Variants in AGTPBP1 observed in about 807,000 individuals in gnomAD.
AGTPBP1 encodes ATP/GTP binding carboxypeptidase 1, also known as cytosolic carboxypeptidase 1.
A neutral mutation model predicts 143.9 loss-of-function variants in AGTPBP1; 70 were observed. The ratio of observed to expected loss-of-function variants is 0.49; its 90% CI spans 0.40 to 0.59. The LOEUF (loss-of-function observed/expected upper bound fraction) is 0.59. AGTPBP1 is among the 20% of genes least tolerant of loss of function. The pLI is 0.00. For synonymous variants in AGTPBP1, 463 were observed against 500.2 expected, an observed-to-expected ratio of 0.93 and a Z score of 0.99; for missense variants, 1,229 against 1,464.5, an observed-to-expected ratio of 0.84 and a Z score of 2.62.
Position 85,633,297 on chromosome 9 carries a change from C to T in AGTPBP1, c.1380G>A (p.Thr460=), listed in dbSNP as rs752950592. 22 of 1,613,618 alleles carry T rather than the reference C, an allele frequency of 1.4e-5. No individual in the cohort carries two copies. The South Asian group carries it at 1.5e-4, about 11-fold the overall frequency. Residue 460 remains threonine (T), a synonymous_variant, in exon 14 of 26, where the codon ACG becomes ACA. Transcript: ENST00000357081. ...GKVRGPIVVP[T]AGEETSGNSG... ...AATTCCCAGATGTTTCCTCGCCTGC[C>T]GTAGGAACAACAATAGGACCACGTA...
chr9:85,686,169 A>C (rs930416975), intron 3 of AGTPBP1, among the ~76,000 whole-genome samples: 2 of 151,890 alleles, frequency 1.3e-5, no homozygotes, highest in African/African-American at 4.8e-5. Flanking sequence ...GTCAAACTGG[A>C]TGTTTTTTTT....
chr9:85,599,148 C>CACACAT (rs1829496581), intron 17 of AGTPBP1, among the ~76,000 whole-genome samples: 1 of 149,708 alleles, frequency 6.7e-6, no homozygotes, highest in Non-Finnish European at 1.5e-5. Flanking sequence ...CACACACACA[C>CACACAT]ACACACAGTA....
intron 19 of AGTPBP1, among the ~76,000 whole-genome samples, chr9:85,590,028 C>A (rs1184777091): frequency 6.6e-6 from 1 of 152,026 alleles, no homozygotes; most frequent in Non-Finnish European, 1.5e-5. Context: ...TTCCAAAAAA[C>A]CTTTTGGTTT....
At chr9:85,792,565 G>C in the AGTPBP1 span, among the ~76,000 whole-genome samples, 6 of 152,168 alleles carry the variant, frequency 3.9e-5, no homozygotes, top group East Asian at 7.7e-4. Context: ...AAAGACACAG[G>C]CTGTAATTTT....
intron 23 of AGTPBP1, among the ~76,000 whole-genome samples, chr9:85,580,015 A>T (rs968264260): frequency 2.0e-5 from 3 of 151,952 alleles, no homozygotes; most frequent in Admixed American, 6.6e-5. Context: ...AGGCAGGTGG[A>T]TCATGAGGTC....
chr9:85,759,327 A>C, the AGTPBP1 span, among the ~76,000 whole-genome samples: 1 of 152,230 alleles, frequency 6.6e-6, no homozygotes. Context: ...CATTCTTCTC[A>C]GCACCACATC....
At chr9:85,641,523 T>C (rs576341481) in intron 13 of AGTPBP1, among the ~76,000 whole-genome samples, 1 of 152,140 alleles carries the variant, frequency 6.6e-6, no homozygotes, top group Admixed American at 6.5e-5. Flanking sequence ...GATTTCAAAG[T>C]ACCTTCTCAT....
intron 5 of AGTPBP1, 112 bp from the exon 6 acceptor site, chr9:85,677,694 T>C: frequency 4.5e-6 from 4 of 892,286 alleles, no homozygotes; most frequent in South Asian, 2.1e-5. Context: ...TGGTTAAAAC[T>C]GATGACCTCT....
chr9:85,773,885 A>G, the AGTPBP1 span: 2 of 1,610,566 alleles, frequency 1.2e-6, no homozygotes, highest in Non-Finnish European at 1.7e-6. Context: ...TATATAATGA[A>G]GAAATGAAAA....
At chr9:85,669,450 C>T (rs745772382) in intron 8 of AGTPBP1, 35 bp downstream of exon 8, 1 of 1,364,126 alleles carries the variant, frequency 7.3e-7, no homozygotes, top group Non-Finnish European at 1.0e-6. Flanking sequence ...GTAACAAAGG[C>T]TATACCTATG....
intron 15 of AGTPBP1, among the ~76,000 whole-genome samples, chr9:85,620,027 T>C (rs1667979200): frequency 6.6e-6 from 1 of 152,148 alleles, no homozygotes; most frequent in South Asian, 2.1e-4. Flanking sequence ...AGGTATATGT[T>C]TCCTCTTTTT....
intron 18 of AGTPBP1, among the ~76,000 whole-genome samples, chr9:85,596,140 T>G (rs888250960): frequency 6.6e-6 from 1 of 152,240 alleles, no homozygotes; most frequent in Admixed American, 6.5e-5. Context: ...AGACACAGCC[T>G]GGACCTAAGT....
At chr9:85,681,192 C>T in intron 4 of AGTPBP1, 76 bp downstream of exon 4, 2 of 1,283,994 alleles carry the variant, frequency 1.6e-6, no homozygotes, top group Non-Finnish European at 2.2e-6. Flanking sequence ...TGTATTTATA[C>T]ACACACATAC....
chr9:85,800,709 T>A, the AGTPBP1 span, among the ~76,000 whole-genome samples: 1 of 152,180 alleles, frequency 6.6e-6, no homozygotes, highest in African/African-American at 2.4e-5. Flanking sequence ...AAAGTCCATG[T>A]ATAGTTAAAG....
At chr9:85,713,840 TA>T (rs1837535214) in intron 1 of AGTPBP1, among the ~76,000 whole-genome samples, 1 of 152,234 alleles carries the variant, frequency 6.6e-6, no homozygotes, top group Non-Finnish European at 1.5e-5. Context: ...TTTTAAATTG[TA>T]ATTTTTTTTA....
the AGTPBP1 span, among the ~76,000 whole-genome samples, chr9:85,773,090 C>T: frequency 1.3e-5 from 2 of 151,132 alleles, no homozygotes; most frequent in African/African-American, 4.9e-5. Flanking sequence ...ACGGTGAAAC[C>T]CCATCTCTAC....
chr9:85,654,982 T>G (rs1283994185), intron 11 of AGTPBP1, among the ~76,000 whole-genome samples, 161 bp downstream of exon 11: 1 of 152,242 alleles, frequency 6.6e-6, no homozygotes, highest in Admixed American at 6.5e-5. Context: ...GCCTCCAATT[T>G]CTTACATTTA....
At position 85,633,176 on chromosome 9, in the gene AGTPBP1, C is replaced by T; in HGVS notation, c.1501G>A (p.Asp501Asn). 2.5e-6 allele frequency: 4 copies of T among 1,613,314 alleles called. No individual in the cohort carries two copies. Among genetic ancestry groups the T allele is most frequent in the Non-Finnish European group, 3.4e-6 (4 of 1,179,806 alleles). ...KSTFMDLAKE[D>N]IKDNDRTLQQ... Reference sequence around the variant, plus strand: ...AATGTTCTATCATTATCTTTAATATCTTCTTTTGCTAGATCCATAAAGGTA... The same window carrying T: ...AATGTTCTATCATTATCTTTAATATTTTCTTTTGCTAGATCCATAAAGGTA... Residue 501 changes from aspartate to asparagine, a missense_variant, in exon 14 of 26, where the codon GAT becomes AAT. Transcript: ENST00000357081.
chr9:85,693,625 G>A (rs1006726983), intron 2 of AGTPBP1, among the ~76,000 whole-genome samples: 5 of 151,926 alleles, frequency 3.3e-5, no homozygotes, highest in African/African-American at 9.7e-5. Flanking sequence ...TTGTACATAC[G>A]GTACTGATCT....
Sources: gnomAD v4.1 joint callset for allele counts (sites outside exome capture counted in the v4.1 genomes callset) on GRCh38, gnomAD v4.1.1 for gene constraint, MANE v1.5 for transcripts, NCBI Gene and HGNC (gene_info 2026-07-23, HGNC 2026-07-21) for gene names.